The following FAM151B variants were observed in gnomAD, a reference collection of about 807,000 sequenced individuals.
FAM151B encodes family with sequence similarity 151 member B.
A neutral mutation model predicts 31.2 loss-of-function variants in FAM151B; 24 were observed. The observed-to-expected ratio is 0.77, with a 90% confidence interval of 0.56 to 1.08. FAM151B has a LOEUF of 1.08. Ranked by LOEUF, FAM151B falls within the 50% of genes least tolerant of loss-of-function variation. The probability of loss-of-function intolerance (pLI) is 0.00; values close to 1 mark genes in which losing one functional copy is unlikely to be tolerated. For missense variants in FAM151B, 293 were observed against 328.6 expected (o/e 0.89, Z 0.84); for synonymous variants, 105 against 111.4 (o/e 0.94, Z 0.36).
chr5:80,505,977 C>A, intron 2 of FAM151B: 1 of 468,468 alleles, frequency 2.1e-6, no homozygotes, highest in Non-Finnish European at 2.9e-6. Context: ...AGACTGGTCT[C>A]GAACTCCTGA....
chr5:80,524,286 A>G (rs1027892531), intron 5 of FAM151B, among the ~76,000 whole-genome samples: 4 of 151,934 alleles, frequency 2.6e-5, no homozygotes, highest in Non-Finnish European at 5.9e-5. Context: ...ATTTGGGTAT[A>G]TTTTTTTCAT....
intron 5 of FAM151B, among the ~76,000 whole-genome samples, chr5:80,532,047 C>T (rs1745265731): frequency 6.6e-6 from 1 of 152,036 alleles, no homozygotes; most frequent in African/African-American, 2.4e-5. Context: ...CCATGGAATA[C>T]TATGCACCCA....
At chr5:80,499,510 T>G (rs1203940760) in intron 1 of FAM151B, among the ~76,000 whole-genome samples, 2 of 152,134 alleles carry the variant, frequency 1.3e-5, no homozygotes, top group African/African-American at 4.8e-5. Context: ...GGGTTTCAGG[T>G]AGAGAAAACA....
intron 5 of FAM151B, among the ~76,000 whole-genome samples, chr5:80,526,854 G>T (rs1289782620): frequency 6.6e-6 from 1 of 152,066 alleles, no homozygotes; most frequent in African/African-American, 2.4e-5. Flanking sequence ...GATGAGGGGT[G>T]GGGGCAGGGA....
chr5:80,500,199 T>A (rs1462844265), intron 1 of FAM151B: 3 of 495,244 alleles, frequency 6.1e-6, no homozygotes, highest in East Asian at 6.8e-5. Context: ...TAAAAAAAAA[T>A]CAAATATAAC....
chr5:80,541,182 T>C (rs903362381), intron 5 of FAM151B, among the ~76,000 whole-genome samples: 4 of 152,242 alleles, frequency 2.6e-5, no homozygotes, highest in Non-Finnish European at 5.9e-5. Flanking sequence ...TCTCTTGGCA[T>C]TCTTGTATCT....
At chr5:80,522,182 G>T (rs1212482191) in intron 5 of FAM151B, 44 bp downstream of exon 5, 1 of 1,556,820 alleles carries the variant, frequency 6.4e-7, no homozygotes, top group East Asian at 2.3e-5. Flanking sequence ...GTGTATGAGA[G>T]ACAGAGATAG....
intron 1 of FAM151B, 137 bp from the exon 2 acceptor site, chr5:80,501,655 A>ACTAT (rs558714833): frequency 3.1e-4 from 182 of 578,896 alleles, no homozygotes; most frequent in African/African-American, 2.1e-3. Flanking sequence ...TAACCTTTTT[A>ACTAT]CTATCTATCT....
chr5:80,536,141 T>TTTTAGTTTAG (rs113261883), intron 5 of FAM151B, among the ~76,000 whole-genome samples: 5 of 151,392 alleles, frequency 3.3e-5, no homozygotes, highest in African/African-American at 1.2e-4. Flanking sequence ...GGTACGAGGG[T>TTTTAGTTTAG]TTTAGTTTAG....
intron 1 of FAM151B, chr5:80,498,737 G>T: frequency 1.8e-6 from 1 of 569,402 alleles, no homozygotes; most frequent in Admixed American, 2.0e-5. Context: ...TCTTGGGAGT[G>T]GTGTAAGACT....
At chr5:80,535,243 T>A (rs1745439952) in intron 5 of FAM151B, among the ~76,000 whole-genome samples, 1 of 152,172 alleles carries the variant, frequency 6.6e-6, no homozygotes, top group Non-Finnish European at 1.5e-5. Flanking sequence ...AGAAATATTT[T>A]AAAAATCCTA....
At position 80,513,630 on chromosome 5, in the gene FAM151B, G is replaced by GT; in HGVS notation, c.179dup (p.Leu61ProfsTer5). The GT allele has an allele frequency of 6.2e-7, 1 of 1,613,602 alleles. No homozygotes were observed. Among genetic ancestry groups the GT allele is most frequent in the Non-Finnish European group, 8.5e-7 (1 of 1,179,900 alleles). On this transcript the variant is annotated frameshift_variant, in exon 3 of 6. Coordinates refer to ENST00000282226, the MANE Select transcript of FAM151B (RefSeq NM_205548.3). LOFTEE classifies it high-confidence loss of function. The stretch of plus-strand genomic sequence containing the variant: ...TACTGCTCACATGATAGAGGCTGAT[G>GT]TCCTTCTTCCAAGTGATGGATCAGA...
chr5:80,493,229 A>G (rs557581766), intron 1 of FAM151B, among the ~76,000 whole-genome samples: 1 of 152,226 alleles, frequency 6.6e-6, no homozygotes, highest in Non-Finnish European at 1.5e-5. Context: ...TGAAGATTTC[A>G]TGGACATTTA....
At chr5:80,513,154 A>G (rs954661552) in intron 2 of FAM151B, among the ~76,000 whole-genome samples, 2 of 152,224 alleles carry the variant, frequency 1.3e-5, no homozygotes, top group Admixed American at 6.5e-5. Context: ...TATGCTTTTA[A>G]GCAGTAACTA....
At chr5:80,530,857 G>A (rs1299562310) in intron 5 of FAM151B, among the ~76,000 whole-genome samples, 2 of 152,168 alleles carry the variant, frequency 1.3e-5, no homozygotes, top group Non-Finnish European at 2.9e-5. Flanking sequence ...AGCTACCAAT[G>A]ACTTTCTTCA....
At chr5:80,533,935 G>C (rs1373577542) in intron 5 of FAM151B, among the ~76,000 whole-genome samples, 1 of 151,990 alleles carries the variant, frequency 6.6e-6, no homozygotes, top group Non-Finnish European at 1.5e-5. Context: ...CATTACAATT[G>C]ATACTGTGGA....
At chr5:80,525,520 C>T (rs1201993843) in intron 5 of FAM151B, among the ~76,000 whole-genome samples, 1 of 152,110 alleles carries the variant, frequency 6.6e-6, no homozygotes, top group African/African-American at 2.4e-5. Flanking sequence ...GTAACTCAAA[C>T]AGGAGAGAAG....
At chr5:80,521,220 G>T (rs1744701223) in intron 4 of FAM151B, among the ~76,000 whole-genome samples, 1 of 149,572 alleles carries the variant, frequency 6.7e-6, no homozygotes, top group East Asian at 2.0e-4. Flanking sequence ...AACCTCCTGG[G>T]CTCAAGTGAT....
rs149688935 is a variant in FAM151B, at chr5:80,523,981, C to T, written c.671+1843C>T. On this transcript the variant is annotated intron_variant, in intron 5 of 5. Transcript: ENST00000282226. ...CATCATTTATTTATTAACTCTGCCTCTAGGTTTGTTTGTTTTCATTAGTGT... is the reference window on the plus strand; with the variant it reads ...CATCATTTATTTATTAACTCTGCCTTTAGGTTTGTTTGTTTTCATTAGTGT... Among the ~76,000 whole-genome samples the T allele has an allele frequency of 1.7e-3, 259 of 152,150 alleles. 1 individual carries two copies. Among genetic ancestry groups the T allele is most frequent in the African/African-American group, 5.8e-3 (240 of 41,528 alleles).
Sources: allele counts gnomAD v4.1 joint callset (sites outside exome capture counted in the v4.1 genomes callset), GRCh38; gene constraint gnomAD v4.1.1; transcripts MANE v1.5; gene names NCBI Gene and HGNC (gene_info 2026-07-23, HGNC 2026-07-21).